DLG2: variants seen among roughly 807,000 people sequenced by gnomAD.
DLG2 encodes disks large homolog 2.
In DLG2, 45 loss-of-function variants were observed where a neutral mutation model predicts 132.5. The ratio of observed to expected loss-of-function variants is 0.34; its 90% CI spans 0.27 to 0.44. DLG2 has a LOEUF of 0.44. Among genes scored for constraint, DLG2 ranks in the 20% least tolerant of loss-of-function variants. The pLI, the probability that DLG2 is intolerant of heterozygous loss-of-function variation, is 1.00. For synonymous variants in DLG2, 424 were observed against 419.6 expected, an observed-to-expected ratio of 1.01 and a Z score of -0.13; for missense variants, 1,045 against 1,196.9, an observed-to-expected ratio of 0.87 and a Z score of 1.87.
intron 3 of DLG2, among the ~76,000 whole-genome samples, chr11:85,564,669 A>T (rs2077432456): frequency 6.6e-6 from 1 of 152,026 alleles, no homozygotes; most frequent in Admixed American, 6.6e-5. Context: ...GCTTTATAAT[A>T]AGTCTCAAAA....
intron 6 of DLG2, among the ~76,000 whole-genome samples, chr11:84,593,699 C>T (rs998846355): frequency 1.3e-5 from 2 of 152,104 alleles, no homozygotes; most frequent in South Asian, 2.1e-4. Context: ...CTAATGTAGA[C>T]GACGGGTTGA....
At chr11:85,254,551 A>G (rs1485196990) in intron 4 of DLG2, among the ~76,000 whole-genome samples, 1 of 152,180 alleles carries the variant, frequency 6.6e-6, no homozygotes, top group Non-Finnish European at 1.5e-5. Flanking sequence ...TTAAGAAAAA[A>G]TTATAAAAGA....
In DLG2 at chr11:85,513,022, C is replaced by T. The variant is rs533411920; in HGVS notation, c.40+85635G>A. Reference sequence around the variant, plus strand: ...AATACTACACAGCCATAAAAAAGAACAAAATCATGACCTTTGCACCAACGT... The same window carrying T: ...AATACTACACAGCCATAAAAAAGAATAAAATCATGACCTTTGCACCAACGT... On this transcript the variant is annotated intron_variant, in intron 3 of 27. Transcript: ENST00000376104. 3.3e-5 allele frequency among the ~76,000 whole-genome samples: 5 copies of T among 152,038 alleles called. No individual in the cohort carries two copies. The South Asian group carries it at 1.0e-3, about 32-fold the overall frequency.
chr11:84,279,769 G>T (rs896025815), intron 7 of DLG2, among the ~76,000 whole-genome samples: 1 of 152,156 alleles, frequency 6.6e-6, no homozygotes, highest in Admixed American at 6.6e-5. Flanking sequence ...GAGAACAAAT[G>T]GACACGGGGA....
At chr11:84,689,926 AT>A (rs1565669962) in intron 6 of DLG2, among the ~76,000 whole-genome samples, 1 of 152,020 alleles carries the variant, frequency 6.6e-6, no homozygotes, top group African/African-American at 2.4e-5. Flanking sequence ...TAGTCAAAAA[AT>A]ATTTTGTGGA....
chr11:83,964,460 C>G (rs2089709109), intron 13 of DLG2, among the ~76,000 whole-genome samples: 1 of 151,966 alleles, frequency 6.6e-6, no homozygotes, highest in Admixed American at 6.6e-5. Context: ...TCTGAGAGAA[C>G]TTGAACAATT....
chr11:85,219,820 G>A (rs1451167879), intron 4 of DLG2, among the ~76,000 whole-genome samples: 1 of 151,010 alleles, frequency 6.6e-6, no homozygotes, highest in Non-Finnish European at 1.5e-5. Flanking sequence ...AGGGAAATGC[G>A]ATTTCACCTA....
intron 6 of DLG2, among the ~76,000 whole-genome samples, chr11:84,730,262 A>G (rs1341473408): frequency 6.6e-6 from 1 of 152,018 alleles, no homozygotes; most frequent in African/African-American, 2.4e-5. Flanking sequence ...CTTAAGTACA[A>G]AAAAAGGGGA....
intron 3 of DLG2, among the ~76,000 whole-genome samples, chr11:85,407,423 A>G (rs1048248623): frequency 6.6e-6 from 1 of 151,830 alleles, no homozygotes; most frequent in African/African-American, 2.4e-5. Flanking sequence ...ACTCAACTAC[A>G]TACCCAAGCC....
chr11:83,654,187 A>G (rs1310418669), intron 18 of DLG2, among the ~76,000 whole-genome samples: 2 of 152,118 alleles, frequency 1.3e-5, no homozygotes, highest in Non-Finnish European at 2.9e-5. Flanking sequence ...GCCCCCATAC[A>G]AGATAAAACT....
chr11:85,416,062 C>T (rs763173366), intron 3 of DLG2, among the ~76,000 whole-genome samples: 1 of 152,024 alleles, frequency 6.6e-6, no homozygotes, highest in South Asian at 2.1e-4. Context: ...GGTGTAAGGA[C>T]GGGGTCCAGT....
chr11:84,120,248 T>C lies in DLG2; in HGVS notation c.625-21201A>G, dbSNP rs74383087. On this transcript the variant is annotated intron_variant, in intron 9 of 27. Coordinates refer to ENST00000376104, the MANE Select transcript of DLG2 (RefSeq NM_001142699.3). ...CGGTATTTCACCATGTTAAAAGGTA[T>C]TTACATACCAGTATGCAACCTGAAA... 1.6e-4 allele frequency among the ~76,000 whole-genome samples: 25 copies of C among 152,290 alleles called. No homozygotes were observed. The East Asian group carries it at 4.2e-3, about 26-fold the overall frequency.
intron 18 of DLG2, among the ~76,000 whole-genome samples, chr11:83,724,587 CAG>C (rs1410939031): frequency 6.6e-6 from 1 of 151,252 alleles, no homozygotes; most frequent in African/African-American, 2.4e-5. Context: ...AAATCAAACT[CAG>C]AGTGTGATTC....
rs2093554706 is a variant in DLG2 at position 84,114,841 on chromosome 11, T to C, written c.625-15794A>G. Reference sequence around the variant, plus strand: ...GAAGCCTGGCTATTTTTTTTTTTTTTTCATTTTTTATAGAGACAGGGTTTT... The same window carrying C: ...GAAGCCTGGCTATTTTTTTTTTTTTCTCATTTTTTATAGAGACAGGGTTTT... On this transcript the variant is annotated intron_variant, in intron 9 of 27. Transcript: ENST00000376104. Among the ~76,000 whole-genome samples the C allele has an allele frequency of 4.0e-5, 6 of 151,672 alleles. No individual in the cohort carries two copies. The South Asian group carries it at 1.3e-3, about 32-fold the overall frequency.
At chr11:84,500,765 T>C (rs1231192014) in intron 7 of DLG2, among the ~76,000 whole-genome samples, 1 of 152,134 alleles carries the variant, frequency 6.6e-6, no homozygotes, top group Non-Finnish European at 1.5e-5. Context: ...ACCAGATAGA[T>C]AATTTAAAAA....
chr11:85,545,482 T>C (rs966357685), intron 3 of DLG2, among the ~76,000 whole-genome samples: 1 of 152,186 alleles, frequency 6.6e-6, no homozygotes, highest in African/African-American at 2.4e-5. Flanking sequence ...GGTTTTGGTA[T>C]TAGGATGATG....
At chr11:85,475,699 T>C (rs1296411808) in intron 3 of DLG2, among the ~76,000 whole-genome samples, 2 of 152,170 alleles carry the variant, frequency 1.3e-5, no homozygotes, top group South Asian at 2.1e-4. Context: ...CAACGTCTGA[T>C]GTATTTTTAT....
intron 11 of DLG2, among the ~76,000 whole-genome samples, chr11:84,039,369 C>T (rs142487573): frequency 0.02 from 2,431 of 124,606 alleles, 28 homozygotes; most frequent in Non-Finnish European, 0.027. Flanking sequence ...TCCCTCCCCC[C>T]GCCCCCCACC....
chr11:83,573,741 C>G (rs1461725523), intron 19 of DLG2, among the ~76,000 whole-genome samples: 2 of 152,124 alleles, frequency 1.3e-5, no homozygotes, highest in Non-Finnish European at 1.5e-5. Flanking sequence ...ACTAAGCAAA[C>G]TGAGCCCTGG....
Sources: allele counts gnomAD v4.1 joint callset (sites outside exome capture counted in the v4.1 genomes callset), GRCh38; gene constraint gnomAD v4.1.1; transcripts MANE v1.5; gene names NCBI Gene and HGNC (gene_info 2026-07-23, HGNC 2026-07-21).